HIVEP3: variants seen among roughly 807,000 people sequenced by gnomAD.
The protein encoded by HIVEP3 is transcription factor HIVEP3.
A neutral mutation model predicts 152.8 loss-of-function variants in HIVEP3; 49 were observed. The observed-to-expected ratio is 0.32, with a 90% CI of 0.26 to 0.41. The LOEUF (loss-of-function observed/expected upper bound fraction) is 0.41. HIVEP3 is among the 10% of genes least tolerant of loss of function. The pLI is 1.00. For synonymous variants in HIVEP3, 1,269 were observed against 1,289.0 expected (o/e 0.98, Z 0.33); for missense variants, 2,790 against 3,103.3 (o/e 0.90, Z 2.40).
In HIVEP3 at chr1:41,580,698, G is replaced by C. The variant is rs1452652942; in HGVS notation, c.4100C>G (p.Thr1367Ser). The C allele has an allele frequency of 6.2e-7, 1 of 1,604,542 alleles. No homozygotes were observed. The highest frequency in any genetic ancestry group is 2.2e-5 in the East Asian group (1 of 44,786). The stretch of plus-strand genomic sequence containing the variant: ...CTCATGCACATCTGCACCACATACA[G>C]TCGTCCCCTTTGATGGGGGTTCCTC... ...KFEEPPSKGT[T>S]VCGADVHEVG... is the part of the protein sequence containing the mutation. Residue 1367 changes from threonine to serine, a missense_variant, in exon 4 of 9, where the codon ACT becomes AGT. Thr to Ser is a moderately conservative substitution (Grantham distance 58). Around this residue, in one of 9 missense-constraint regions of HIVEP3, gnomAD observed 1,078 missense variants for 1,165.3 expected, o/e 0.93. Coordinates refer to ENST00000372583, the MANE Select transcript of HIVEP3 (RefSeq NM_024503.5).
chr1:41,946,402 C>T (rs1005936754), intron 1 of HIVEP3, among the ~76,000 whole-genome samples: 17 of 152,180 alleles, frequency 1.1e-4, no homozygotes, highest in Admixed American at 4.6e-4. Flanking sequence ...TGGACACTGG[C>T]GCAGCCTTCT....
chr1:41,650,606 A>C (rs1157649218), intron 2 of HIVEP3, among the ~76,000 whole-genome samples: 1 of 150,750 alleles, frequency 6.6e-6, no homozygotes, highest in Non-Finnish European at 1.5e-5. Flanking sequence ...AGTAAGAAGT[A>C]GACAAGTCCT....
intron 1 of HIVEP3, among the ~76,000 whole-genome samples, chr1:41,814,583 G>C (rs6670547): frequency 6.6e-6 from 1 of 152,194 alleles, no homozygotes; most frequent in African/African-American, 2.4e-5. Flanking sequence ...TGGGTGAAAC[G>C]CTTTTCCAAA....
chr1:41,908,306 G>C (rs755096932), intron 1 of HIVEP3, among the ~76,000 whole-genome samples: 18 of 152,098 alleles, frequency 1.2e-4, no homozygotes, highest in Non-Finnish European at 2.4e-4. Context: ...TAACTCCCTA[G>C]TACCTGATAT....
At chr1:41,807,369 G>T (rs1215135040) in intron 1 of HIVEP3, among the ~76,000 whole-genome samples, 1 of 152,190 alleles carries the variant, frequency 6.6e-6, no homozygotes, top group East Asian at 1.9e-4. Context: ...GACGACAGAA[G>T]AGTGGAAGGG....
chr1:41,723,805 C>T (rs937342969), intron 1 of HIVEP3, among the ~76,000 whole-genome samples: 1 of 152,154 alleles, frequency 6.6e-6, no homozygotes, highest in Non-Finnish European at 1.5e-5. Flanking sequence ...GCACAGCCCT[C>T]AGAGCCCAGG....
intron 1 of HIVEP3, among the ~76,000 whole-genome samples, chr1:41,965,085 C>G (rs1374555983): frequency 6.6e-6 from 1 of 152,246 alleles, no homozygotes; most frequent in Non-Finnish European, 1.5e-5. Context: ...CTTTGCTGTT[C>G]TGCAGCCTCC....
At chr1:41,919,787 G>C (rs1356737846), upstream of HIVEP3, among the ~76,000 whole-genome samples, 6 of 152,292 alleles carry the variant, frequency 3.9e-5, no homozygotes, top group South Asian at 2.1e-4. Flanking sequence ...CTGCAGTTTT[G>C]TTCTGGCTTT....
chr1:41,603,664 A>G (rs1354266640), intron 3 of HIVEP3, among the ~76,000 whole-genome samples: 1 of 152,154 alleles, frequency 6.6e-6, no homozygotes, highest in East Asian at 1.9e-4. Context: ...CTGGCCTGCT[A>G]TTGATTTCTA....
intron 1 of HIVEP3, among the ~76,000 whole-genome samples, chr1:41,835,688 G>A (rs1216318964): frequency 3.9e-5 from 6 of 152,186 alleles, no homozygotes; most frequent in African/African-American, 1.2e-4. Flanking sequence ...TGTAGATCAC[G>A]CTAATATTCC....
intron 1 of HIVEP3, among the ~76,000 whole-genome samples, chr1:41,723,262 G>C (rs1463324338): frequency 6.6e-6 from 1 of 152,044 alleles, no homozygotes; most frequent in Non-Finnish European, 1.5e-5. Flanking sequence ...TTTTCCTTGG[G>C]GGTTGGGGGA....
At chr1:41,941,168 C>T (rs187716909) in intron 1 of HIVEP3, among the ~76,000 whole-genome samples, 23 of 152,202 alleles carry the variant, frequency 1.5e-4, no homozygotes, top group Admixed American at 1.3e-3. Flanking sequence ...GGAAGGCAAC[C>T]CTTTCAAGAA....
At chr1:41,834,069 G>A (rs1175842419) in intron 1 of HIVEP3, among the ~76,000 whole-genome samples, 1 of 152,192 alleles carries the variant, frequency 6.6e-6, no homozygotes, top group Non-Finnish European at 1.5e-5. Context: ...GAAAGGTCAA[G>A]AGGCTGGAAA....
chr1:42,023,191 G>A (rs1645564194), intron 1 of HIVEP3, among the ~76,000 whole-genome samples: 1 of 151,920 alleles, frequency 6.6e-6, no homozygotes, highest in African/African-American at 2.4e-5. Context: ...ATTTTTAGTA[G>A]AGACAGGGTT....
chr1:41,951,462 G>T (rs762138479), intron 1 of HIVEP3, among the ~76,000 whole-genome samples: 1 of 152,192 alleles, frequency 6.6e-6, no homozygotes, highest in African/African-American at 2.4e-5. Flanking sequence ...CTGAAATTGG[G>T]AGTGATCTCT....
Position 41,584,175 on chromosome 1 carries a change from T to C in HIVEP3, c.623A>G (p.Gln208Arg), listed in dbSNP as rs1644466602. Residue 208 changes from glutamine (Q) to arginine (R), a missense_variant, in exon 4 of 9, where the codon CAG becomes CGG. Physicochemically the swap from Gln to Arg is conservative, Grantham distance 43. This residue lies in a region of HIVEP3 where 25 missense variants were observed against 75.9 expected (regional missense o/e 0.33). Transcript: ENST00000372583. This position sits in a 1 kb window ranked among gnomAD's most constrained non-coding sequence, Gnocchi z 5.2. ...ACCTGTGTGTGAGCGAATGTGCTTC[T>C]GGAGCACGCTGGGCTTGGCACAGGG... ...SRPCAKPSVL[Q>R]KHIRSHTGER... 6.2e-7 allele frequency: 1 copy of C among 1,614,062 alleles called. No individual in the cohort carries two copies. Among genetic ancestry groups the C allele is most frequent in the African/African-American group, 1.3e-5 (1 of 74,936 alleles).
chr1:41,950,137 A>C (rs1328592588), intron 1 of HIVEP3, among the ~76,000 whole-genome samples: 4 of 152,172 alleles, frequency 2.6e-5, no homozygotes, highest in Non-Finnish European at 5.9e-5. Flanking sequence ...TAAAATGCTA[A>C]TTAGGCAAAA....
chr1:41,626,309 A>T (rs1645116512), intron 3 of HIVEP3, among the ~76,000 whole-genome samples: 5 of 152,224 alleles, frequency 3.3e-5, no homozygotes, highest in Admixed American at 2.6e-4. Context: ...CCTGGACTCC[A>T]GCAGCACCAA....
At chr1:41,548,990 A>T (rs554175710) in intron 5 of HIVEP3, among the ~76,000 whole-genome samples, 157 of 152,156 alleles carry the variant, frequency 1.0e-3, no homozygotes, top group Non-Finnish European at 2.0e-3. Context: ...TCATTTACAT[A>T]AGGTAATGCT....
Sources: gnomAD v4.1 joint callset for allele counts (sites outside exome capture counted in the v4.1 genomes callset) on GRCh38, gnomAD v4.1.1 for gene constraint, gnomAD v4.1.1 regional missense constraint, Gnocchi (gnomAD v3.1) non-coding constraint, MANE v1.5 for transcripts, NCBI Gene and HGNC (gene_info 2026-07-23, HGNC 2026-07-21) for gene names.